Variants in ZMAT4 observed in about 807,000 individuals in gnomAD.
ZMAT4 encodes the protein zinc finger matrin-type 4, also known as zinc finger matrin-type protein 4.
In ZMAT4, 17 loss-of-function variants were observed where a neutral mutation model predicts 28.7. The observed-to-expected ratio is 0.59, with a 90% confidence interval of 0.41 to 0.89. ZMAT4 has a LOEUF of 0.89. Ranked by LOEUF, ZMAT4 falls within the 40% of genes least tolerant of loss-of-function variation. The probability of loss-of-function intolerance (pLI) is 0.00; values close to 1 mark genes in which losing one functional copy is unlikely to be tolerated. For missense variants in ZMAT4, 240 were observed against 283.8 expected (o/e 0.85, Z 1.11); for synonymous variants, 117 against 109.2 (o/e 1.07, Z -0.44).
At chr8:40,625,084 C>T (rs746364451) in intron 5 of ZMAT4, among the ~76,000 whole-genome samples, 9 of 152,164 alleles carry the variant, frequency 5.9e-5, no homozygotes, top group Admixed American at 2.0e-4. Context: ...GAACAATGAG[C>T]GGGTGGTAGC....
At chr8:40,740,192 T>C (rs1811941491) in intron 3 of ZMAT4, among the ~76,000 whole-genome samples, 1 of 152,174 alleles carries the variant, frequency 6.6e-6, no homozygotes, top group African/African-American at 2.4e-5. Context: ...ATGGTATTTC[T>C]GGTATTTCTT....
chr8:40,702,771 G>A (rs752280060), intron 3 of ZMAT4, among the ~76,000 whole-genome samples: 1 of 152,158 alleles, frequency 6.6e-6, no homozygotes, highest in African/African-American at 2.4e-5. Context: ...TCAGGCATGC[G>A]TCATAGTGCT....
chr8:40,579,918 G>A (rs982115330), intron 6 of ZMAT4, among the ~76,000 whole-genome samples: 6 of 151,982 alleles, frequency 3.9e-5, no homozygotes. Context: ...TAAAGCTCCG[G>A]GTGCACACGT....
At chr8:40,755,234 T>C (rs71519576) in intron 3 of ZMAT4, among the ~76,000 whole-genome samples, 15,370 of 152,122 alleles carry the variant, frequency 0.1, 909 homozygotes, top group Middle Eastern at 0.17. Flanking sequence ...GAAAGTCTGA[T>C]AAGGAAGAGA....
At chr8:40,777,315 G>T (rs917369638) in intron 2 of ZMAT4, among the ~76,000 whole-genome samples, 1 of 152,208 alleles carries the variant, frequency 6.6e-6, no homozygotes, top group Non-Finnish European at 1.5e-5. Flanking sequence ...AGATGGGCGG[G>T]GAGAGGGGAC....
chr8:40,791,551 A>G (rs1271334708), intron 2 of ZMAT4, among the ~76,000 whole-genome samples: 3 of 152,220 alleles, frequency 2.0e-5, no homozygotes, highest in Admixed American at 6.5e-5. Flanking sequence ...GCCCTGGCTC[A>G]TGGCTGAGTT....
At chr8:40,534,679 T>G (rs1202321088) in intron 6 of ZMAT4, among the ~76,000 whole-genome samples, 1 of 28,640 alleles carries the variant, frequency 3.5e-5, no homozygotes, top group African/African-American at 5.0e-5. Context: ...TTTGCTACCT[T>G]TTTTTTTTTT....
intron 3 of ZMAT4, among the ~76,000 whole-genome samples, chr8:40,701,029 G>A (rs1226029262): frequency 6.6e-6 from 1 of 152,108 alleles, no homozygotes; most frequent in Non-Finnish European, 1.5e-5. Context: ...AGTCAAAAGA[G>A]GAGGCAGGTA....
At chr8:40,887,141 A>G (rs1818483655) in intron 1 of ZMAT4, among the ~76,000 whole-genome samples, 1 of 144,462 alleles carries the variant, frequency 6.9e-6, no homozygotes, top group Non-Finnish European at 1.5e-5. Flanking sequence ...ACTGCACTCC[A>G]GCCTGGGTGA....
Position 40,720,599 on chromosome 8 carries a change from C to G in ZMAT4, c.193-23198G>C, listed in dbSNP as rs932748279. Among the ~76,000 whole-genome samples the G allele has an allele frequency of 3.5e-5, 5 of 141,844 alleles. No homozygotes were observed. The Admixed American group carries it at 3.8e-4, about 11-fold the overall frequency. 93.1% of individuals were successfully genotyped at this position (141,844 alleles called of 152,430 possible). On this transcript the variant is annotated intron_variant, in intron 3 of 6. Transcript: ENST00000297737. ...CTGGAGTGCAGTGGCATGATTTTGG[C>G]TCACTGCAACCTCTGCCTTCTGGAT...
At chr8:40,860,148 C>T (rs886510200) in intron 1 of ZMAT4, among the ~76,000 whole-genome samples, 76 of 152,164 alleles carry the variant, frequency 5.0e-4, no homozygotes, top group African/African-American at 1.7e-3. Context: ...ATAGAGTCAG[C>T]GTTCAGTAAT....
chr8:40,610,194 C>T (rs1483465596), intron 5 of ZMAT4, among the ~76,000 whole-genome samples: 1 of 152,140 alleles, frequency 6.6e-6, no homozygotes, highest in Admixed American at 6.5e-5. Flanking sequence ...ATGTGAAAAG[C>T]TTTCGTTTAT....
chr8:40,721,624 A>T (rs2150517599), intron 3 of ZMAT4, among the ~76,000 whole-genome samples: 1 of 148,712 alleles, frequency 6.7e-6, no homozygotes, highest in Non-Finnish European at 1.5e-5. Context: ...ATTTCTCCAC[A>T]TCCTCTCCAG....
chr8:40,657,966 T>C (rs924258282), intron 5 of ZMAT4, among the ~76,000 whole-genome samples: 2 of 152,196 alleles, frequency 1.3e-5, no homozygotes, highest in African/African-American at 4.8e-5. Flanking sequence ...TTTTAATTTT[T>C]AAAAATATTT....
chr8:40,666,678 A>G (rs1808427869), intron 5 of ZMAT4, among the ~76,000 whole-genome samples: 1 of 152,206 alleles, frequency 6.6e-6, no homozygotes, highest in Non-Finnish European at 1.5e-5. Context: ...CATAAAAATA[A>G]AACACACAAA....
intron 1 of ZMAT4, among the ~76,000 whole-genome samples, chr8:40,882,030 T>G (rs1176079185): frequency 1.3e-5 from 2 of 152,142 alleles, no homozygotes; most frequent in African/African-American, 2.4e-5. Flanking sequence ...CACCAACAGC[T>G]GAAGGAAAGG....
At chr8:40,770,463 C>T (rs1813340881) in intron 2 of ZMAT4, among the ~76,000 whole-genome samples, 1 of 151,974 alleles carries the variant, frequency 6.6e-6, no homozygotes, top group African/African-American at 2.4e-5. Flanking sequence ...AGGATGGAGA[C>T]CTGCCAGGGA....
At chr8:40,846,693 G>A (rs905580961) in intron 1 of ZMAT4, among the ~76,000 whole-genome samples, 4 of 152,290 alleles carry the variant, frequency 2.6e-5, no homozygotes, top group Non-Finnish European at 4.4e-5. Context: ...GCAGGGCTGG[G>A]CATTGCCAAA....
intron 6 of ZMAT4, among the ~76,000 whole-genome samples, chr8:40,575,899 C>T (rs1425569383): frequency 6.6e-6 from 1 of 151,678 alleles, no homozygotes; most frequent in African/African-American, 2.4e-5. Context: ...TACAGATAGA[C>T]AATTCAACAA....
Sources: gnomAD v4.1 joint callset for allele counts (sites outside exome capture counted in the v4.1 genomes callset) on GRCh38, gnomAD v4.1.1 for gene constraint, MANE v1.5 for transcripts, NCBI Gene and HGNC (gene_info 2026-07-23, HGNC 2026-07-21) for gene names.